The following DECR2 variants were observed in gnomAD, a reference collection of about 807,000 sequenced individuals.
DECR2 encodes the protein 2,4-dienoyl-CoA reductase 2.
Under a neutral mutation model 29.2 loss-of-function variants are expected in DECR2, and 34 were observed. That is an observed-to-expected ratio of 1.16 (90% CI 0.89 to 1.55). The LOEUF (loss-of-function observed/expected upper bound fraction) is 1.55. Ranked by LOEUF, DECR2 falls within the 40% of genes most tolerant of loss-of-function variation. The pLI, the probability that DECR2 is intolerant of heterozygous loss-of-function variation, is 0.00. For missense variants in DECR2, 485 were observed against 425.3 expected (o/e 1.14, Z -1.23); for synonymous variants, 224 against 182.7 (o/e 1.23, Z -1.82).
rs774308860 is a variant in DECR2, at chr16:410,799, C to A, written c.556+15C>A. On this transcript the variant is annotated intron_variant, in intron 6 of 8. Transcript: ENST00000219481. This position sits in a 1 kb window ranked among gnomAD's most constrained non-coding sequence, Gnocchi z 4.1. ...GGCCGCTGTGGGTATGACCACCCCC[C>A]CCCGCCCAGGTTTGCCCACGTGGGT... The A allele has an allele frequency of 7.6e-6, 12 of 1,569,378 alleles. No homozygotes were observed. In the South Asian group the frequency reaches 8.2e-5, roughly 11 times the overall value.
At chr16:408,399 C>G (rs1022618455) in intron 4 of DECR2, among the ~76,000 whole-genome samples, 1 of 152,194 alleles carries the variant, frequency 6.6e-6, no homozygotes, top group African/African-American at 2.4e-5. Context: ...CCTGACTCCG[C>G]TTCTCTGGGT....
At chr16:406,252 C>G in intron 2 of DECR2, 94 bp from the exon 3 acceptor site, 1 of 1,373,960 alleles carries the variant, frequency 7.3e-7, no homozygotes, top group Non-Finnish European at 1.0e-6. Flanking sequence ...TGGACTGGTA[C>G]TTCCGCCTGA....
At position 407,565 on chromosome 16, in the gene DECR2, G is replaced by A. The variant is rs1567340334; in HGVS notation, c.337+5G>A. 3 of 1,613,746 alleles carry A rather than the reference G, an allele frequency of 1.9e-6. No homozygotes were observed. The highest frequency in any genetic ancestry group is 2.5e-6 in the Non-Finnish European group (3 of 1,179,736). Reference sequence around the variant, plus strand: ...GAATCGACATTCTCATTAACTGTGAGTCGGTGCTGAGTGAGGTTGGTGGCT... The same window carrying A: ...GAATCGACATTCTCATTAACTGTGAATCGGTGCTGAGTGAGGTTGGTGGCT... On this transcript the variant is annotated splice_donor_5th_base_variant and intron_variant, in intron 4 of 8. Coordinates refer to ENST00000219481, the MANE Select transcript of DECR2 (RefSeq NM_020664.4).
rs1236176421 is a variant in DECR2, at chr16:411,501, G to C, written c.802G>C (p.Asp268His). The change falls in exon 8 of 9, where the codon GAT (aspartate) becomes CAT (histidine). Residue 268 changes from aspartate (D) to histidine (H), a missense_variant. Asp to His is a moderately conservative substitution (Grantham distance 81). Coordinates refer to ENST00000219481, the MANE Select transcript of DECR2 (RefSeq NM_020664.4). ...SYVTGAVLVADGGAWLTFPNG... is the reference protein window; with the variant it reads ...SYVTGAVLVAHGGAWLTFPNG... ...CGTGACGGGGGCCGTGCTGGTGGCC[G>C]ATGGCGGGGCATGGTTGACGTTCCC... The C allele has an allele frequency of 6.2e-7, 1 of 1,613,930 alleles. No homozygotes were observed. Among genetic ancestry groups the C allele is most frequent in the African/African-American group, 1.3e-5 (1 of 74,958 alleles).
At chr16:406,202 G>C in intron 2 of DECR2, 144 bp from the exon 3 acceptor site, 1 of 800,516 alleles carries the variant, frequency 1.2e-6, no homozygotes, top group Admixed American at 2.6e-5. Context: ...CCTCAGTCCT[G>C]TTCACGCCCC....
chr16:407,795 G>GCCCCCT (rs1567340474), intron 4 of DECR2, among the ~76,000 whole-genome samples: 8 of 2,084 alleles, frequency 3.8e-3, no homozygotes, highest in Non-Finnish European at 1.4e-3. Context: ...TCTGTCTCCG[G>GCCCCCT]GCTCTGTCTC....
In DECR2 at chr16:404,976, C is replaced by G. The variant is rs2054707759; in HGVS notation, c.101C>G (p.Thr34Arg). Residue 34 changes from threonine (T) to arginine (R), a missense_variant, in exon 2 of 9, where the codon ACA becomes AGA. Thr to Arg is a moderately conservative substitution (Grantham distance 71, BLOSUM62 -1). Transcript: ENST00000219481. ...CTCAGGGACAAAGTGGCCTTCATCACAGGAGGCGGCTCTGGGATTGGGTTC... is the reference window on the plus strand; with the variant it reads ...CTCAGGGACAAAGTGGCCTTCATCAGAGGAGGCGGCTCTGGGATTGGGTTC... ...DLLRDKVAFI[T>R]GGGSGIGFRI... is the part of the protein sequence containing the mutation. 33 of 1,614,126 alleles carry G rather than the reference C, an allele frequency of 2.0e-5. No individual in the cohort carries two copies. The highest frequency in any genetic ancestry group is 2.8e-5 in the Non-Finnish European group (33 of 1,179,992).
At chr16:408,387 G>C (rs35593667) in intron 4 of DECR2, among the ~76,000 whole-genome samples, 54,259 of 151,810 alleles carry the variant, frequency 0.36, 10,585 homozygotes, top group East Asian at 0.64. Context: ...CTCTGTCTCC[G>C]GCCTGACTCC....
At chr16:408,488 C>G (rs2054770475) in intron 4 of DECR2, among the ~76,000 whole-genome samples, 1 of 151,706 alleles carries the variant, frequency 6.6e-6, no homozygotes, top group Non-Finnish European at 1.5e-5. Context: ...CCCTTGTGTC[C>G]TGAAATTCCG....
chr16:410,044 C>A lies in DECR2; in HGVS notation c.338-199C>A. The A allele has an allele frequency of 1.5e-6, 1 of 685,980 alleles. No homozygotes were observed. Among genetic ancestry groups the A allele is most frequent in the Admixed American group, 3.1e-5 (1 of 32,720 alleles). 42.5% of individuals were successfully genotyped at this position (685,980 alleles called of 1,614,324 possible). A position where few individuals can be genotyped will look rare whatever the true frequency, so the allele number is the denominator to read the frequency against. On this transcript the variant is annotated intron_variant, in intron 4 of 8. Transcript: ENST00000219481. The surrounding 1 kb of genome is among the most constrained non-coding windows in gnomAD (Gnocchi z 4.1). The stretch of plus-strand genomic sequence containing the variant: ...GAGCCAGGGCTTCAGCATGTCTTCT[C>A]TTCTCGGGGACACAGTGCAGCCAGG...
At chr16:404,195 ATAAAT>A (rs796207235) in intron 1 of DECR2, among the ~76,000 whole-genome samples, 5 of 151,208 alleles carry the variant, frequency 3.3e-5, no homozygotes, top group South Asian at 4.1e-4. Flanking sequence ...AAATAAATAA[ATAAAT>A]TAAATAAAAT....
chr16:406,797 GCCGGCAC>G (rs2054729931), intron 3 of DECR2: 3 of 611,328 alleles, frequency 4.9e-6, no homozygotes, highest in Non-Finnish European at 6.2e-6. Context: ...ACTGTGCCCG[GCCGGCAC>G]CTCAGCCTCC....
At chr16:405,578 T>C (rs1403234280) in intron 2 of DECR2, 3 of 1,304,282 alleles carry the variant, frequency 2.3e-6, no homozygotes, top group Non-Finnish European at 3.0e-6. Context: ...GTAGCTACCT[T>C]TATGGTTATT....
In DECR2 at chr16:406,393, T is replaced by C. The variant is rs144582584; in HGVS notation, c.197T>C (p.Leu66Pro). 42 of 1,607,740 alleles carry C rather than the reference T, an allele frequency of 2.6e-5. No homozygotes were observed. Among genetic ancestry groups the C allele is most frequent in the Non-Finnish European group, 3.4e-5 (40 of 1,179,916 alleles). The stretch of plus-strand genomic sequence containing the variant: ...GCCAGTAGGAGCCTGCCGCGAGTGC[T>C]GACGGTGAGAGGGCCTCTCCCATGG... Reference protein sequence around the residue: ...VIASRSLPRVLTAARKLAGAT... With the variant: ...VIASRSLPRVPTAARKLAGAT... The change falls in exon 3 of 9, where the codon CTG (leucine) becomes CCG (proline). Residue 66 changes from leucine to proline, a missense_variant. Physicochemically the swap from Leu to Pro is moderately conservative, Grantham distance 98. Transcript: ENST00000219481.
At chr16:404,848 T>C in intron 1 of DECR2, 108 bp from the exon 2 acceptor site, 1 of 1,020,714 alleles carries the variant, frequency 9.8e-7, no homozygotes, top group Non-Finnish European at 1.5e-6. Context: ...CAAGCTGGTC[T>C]CGATCTCCTG....
rs544383856 is a variant in DECR2 at position 405,081 on chromosome 16, T to C, written c.149+57T>C. On this transcript the variant is annotated intron_variant, in intron 2 of 8. Coordinates refer to ENST00000219481, the MANE Select transcript of DECR2 (RefSeq NM_020664.4). ...TCGCTTCTCCCTGCCCGGGCCCTGC[T>C]GGATGCCCGACCCCTGGAAAGATGT... The C allele has an allele frequency of 5.6e-5, 90 of 1,597,792 alleles. 2 individuals are homozygous for C. The South Asian group carries it at 8.9e-4, about 16-fold the overall frequency.
At chr16:406,287 AGATGCCCCG>A in intron 2 of DECR2, 50 bp from the exon 3 acceptor site, 2 of 1,411,676 alleles carry the variant, frequency 1.4e-6, no homozygotes, top group Middle Eastern at 1.8e-4. Flanking sequence ...GGAGCTGGGC[AGATGCCCCG>A]GGAGTGCCCC....
rs1567340436 is a variant in DECR2 at position 407,746 on chromosome 16, A to ATCTCCGGCCCCCTG, written c.337+194_337+207dup. On this transcript the variant is annotated intron_variant, in intron 4 of 8. Transcript: ENST00000219481. ...GCTCCGGCCCCCTGTCTCCGGCCCCATCTCCGGCCCCCTGTCTCCGGGCCC... is the reference window on the plus strand; with the variant it reads ...GCTCCGGCCCCCTGTCTCCGGCCCCATCTCCGGCCCCCTGTCTCCGGCCCCCTGTCTCCGGGCCC... 4.5e-4 allele frequency among the ~76,000 whole-genome samples: 52 copies of ATCTCCGGCCCCCTG among 115,476 alleles called. No individual in the cohort carries two copies. In the East Asian group the frequency reaches 7.4e-3, roughly 16 times the overall value. 75.8% of individuals were successfully genotyped at this position (115,476 alleles called of 152,430 possible). A position where few individuals can be genotyped will look rare whatever the true frequency, so the allele number is the denominator to read the frequency against.
intron 4 of DECR2, among the ~76,000 whole-genome samples, chr16:409,035 T>C (rs2054777894): frequency 6.6e-6 from 1 of 152,112 alleles, no homozygotes; most frequent in Non-Finnish European, 1.5e-5. Context: ...TTTCATCATA[T>C]TGTTTAGACT....
Sources: allele counts gnomAD v4.1 joint callset (sites outside exome capture counted in the v4.1 genomes callset), GRCh38; gene constraint gnomAD v4.1.1; non-coding constraint Gnocchi (gnomAD v3.1); transcripts MANE v1.5; gene names NCBI Gene and HGNC (gene_info 2026-07-23, HGNC 2026-07-21).